BBS7: variants seen among roughly 807,000 people sequenced by gnomAD.
BBS7 encodes BBSome complex member BBS7.
BBS7 carries 50 observed loss-of-function variants against 90.3 expected under a neutral mutation model. The observed-to-expected ratio is 0.55, with a 90% CI of 0.44 to 0.70. The LOEUF (loss-of-function observed/expected upper bound fraction) is 0.70. BBS7 is among the 30% of genes least tolerant of loss of function. The pLI is 0.00. For synonymous variants in BBS7, 235 were observed against 287.4 expected (o/e 0.82, Z 1.85); for missense variants, 729 against 838.9 (o/e 0.87, Z 1.62).
chr4:121,859,120 C>A lies in BBS7; in HGVS notation c.400G>T (p.Asp134Tyr). 6.2e-7 allele frequency: 1 copy of A among 1,613,700 alleles called. No homozygotes were observed. The highest frequency in any genetic ancestry group is 1.3e-5 in the African/African-American group (1 of 74,964). The change falls in exon 5 of 19, where the codon GAC (aspartate) becomes TAC (tyrosine). Residue 134 changes from aspartate (D) to tyrosine (Y), a missense_variant. Physicochemically the swap from Asp to Tyr is radical, Grantham distance 160. Transcript: ENST00000264499. Reference protein sequence around the residue: ...SASYIYNHYCDCKDQHYYLSG... With the variant: ...SASYIYNHYCYCKDQHYYLSG... ...AGGTAATAATGTTGGTCTTTGCAGT[C>A]ACAATAATGGTTATAGATGTAACTT...
At chr4:121,857,909 T>C (rs1394278910) in intron 5 of BBS7, among the ~76,000 whole-genome samples, 2 of 149,014 alleles carry the variant, frequency 1.3e-5, no homozygotes, top group Admixed American at 6.9e-5. Flanking sequence ...TGGGTTCGAG[T>C]GATTCTTGTG....
rs1295122035 is a variant in BBS7 at position 121,828,470 on chromosome 4, G to A, written c.1822C>T (p.Leu608=). 1.2e-6 allele frequency: 2 copies of A among 1,613,900 alleles called. No individual in the cohort carries two copies. Among genetic ancestry groups the A allele is most frequent in the Non-Finnish European group, 8.5e-7 (1 of 1,179,884 alleles). ...NEVSVKHTLK[L]IHPKLEYQLL... is the part of the protein sequence containing the mutation. ...TGGTACTCCAGCTTTGGGTGGATTA[G>A]CTTTAAAGTGTGTTTGACTGATACT... Residue 608 remains leucine (L), a synonymous_variant, in exon 17 of 19, where the codon CTA becomes TTA. Coordinates refer to ENST00000264499, the MANE Select transcript of BBS7 (RefSeq NM_176824.3).
Position 121,832,009 on chromosome 4 carries a change from A to AAAACAC in BBS7, c.1676+1221_1676+1222insGTGTTT, listed in dbSNP as rs1553930919. ...AATAACACAAAGCAAAAAAAACAAAAACACACACACACACACACACACACA... is the reference window on the plus strand; with the variant it reads ...AATAACACAAAGCAAAAAAAACAAAAAAACACACACACACACACACACACACACACA... On this transcript the variant is annotated intron_variant, in intron 15 of 18. Transcript: ENST00000264499. Among the ~76,000 whole-genome samples, 6 of 142,872 alleles carry AAAACAC rather than the reference A, an allele frequency of 4.2e-5. No individual in the cohort carries two copies. In the South Asian group the frequency reaches 6.7e-4, roughly 16 times the overall value. The allele number at this position is 142,872 out of a possible 152,430, so 93.7% of individuals were successfully genotyped here. A position where few individuals can be genotyped will look rare whatever the true frequency, so the allele number is the denominator to read the frequency against.
At chr4:121,827,898 C>T (rs1203811805) in intron 18 of BBS7, 2 of 1,220,894 alleles carry the variant, frequency 1.6e-6, no homozygotes, top group Non-Finnish European at 2.1e-6. Context: ...TAGATTAATT[C>T]ATCACAGTAT....
intron 4 of BBS7, among the ~76,000 whole-genome samples, chr4:121,860,108 A>C (rs6838198): frequency 0.78 from 119,202 of 151,940 alleles, 47,094 homozygotes; most frequent in African/African-American, 0.88. Context: ...CTGATTTTCT[A>C]TTCTTCAGTT....
At position 121,861,621 on chromosome 4, in the gene BBS7, A is replaced by G; in HGVS notation, c.224T>C (p.Ile75Thr). The change falls in exon 4 of 19, where the codon ATC (isoleucine) becomes ACC (threonine). Residue 75 changes from isoleucine (I) to threonine (T), a missense_variant. By Grantham distance (89) the Ile-to-Thr change is moderately conservative (BLOSUM62 -1). Transcript: ENST00000264499. ...KIARLELGGV[I>T]NTPQEKIFIA... ...AAAAATTTTCTCCTGAGGTGTGTTG[A>G]TAACCCCTCCCAGTTCCAGCCTTGC... 3.1e-6 allele frequency: 5 copies of G among 1,613,892 alleles called. No homozygotes were observed. Among genetic ancestry groups the G allele is most frequent in the Non-Finnish European group, 4.2e-6 (5 of 1,179,860 alleles).
At chr4:121,845,446 T>C (rs1725957779) in intron 11 of BBS7, 58 bp downstream of exon 11, 2 of 1,234,426 alleles carry the variant, frequency 1.6e-6, no homozygotes, top group Non-Finnish European at 1.2e-6. Context: ...TTAGTACATA[T>C]GACTGGTTTG....
intron 3 of BBS7, 43 bp downstream of exon 3, chr4:121,863,174 T>G (rs769013722): frequency 3.2e-6 from 5 of 1,579,608 alleles, no homozygotes; most frequent in Non-Finnish European, 4.4e-6. Context: ...TAGTGCATTC[T>G]CTTTTAGAAA....
intron 15 of BBS7, among the ~76,000 whole-genome samples, chr4:121,830,164 G>A (rs564733557): frequency 6.6e-5 from 10 of 152,350 alleles, no homozygotes; most frequent in Admixed American, 2.0e-4. Context: ...CACTTTGGGA[G>A]GCCAAGGCGG....
In BBS7 at chr4:121,845,557, T is replaced by G; in HGVS notation, c.1177A>C (p.Ser393Arg). 1 of 1,613,016 alleles carries G rather than the reference T, an allele frequency of 6.2e-7. No individual in the cohort carries two copies. The highest frequency in any genetic ancestry group is 8.5e-7 in the Non-Finnish European group (1 of 1,179,414). The change falls in exon 11 of 19, where the codon AGT becomes CGT. Residue 393 changes from serine (S) to arginine (R), a missense_variant. By Grantham distance (110) the Ser-to-Arg change is moderately radical. Transcript: ENST00000264499. ...TGTACCTCTAAGATAAGGCTGTAAC[T>G]GGCATCATCTTTATTTAGTGTAAAT... ...DKFTLNKDDA[S>R]YSLILEVQTA...
In BBS7 at chr4:121,855,469, A is replaced by G. The variant is rs564517024; in HGVS notation, c.601+20T>C. The G allele has an allele frequency of 6.2e-7, 1 of 1,607,610 alleles. No individual in the cohort carries two copies. Among genetic ancestry groups the G allele is most frequent in the East Asian group, 2.2e-5 (1 of 44,770 alleles). On this transcript the variant is annotated intron_variant, in intron 6 of 18. Coordinates refer to ENST00000264499, the MANE Select transcript of BBS7 (RefSeq NM_176824.3). ...TATTAAAACACATAGTTGATTTGTG[A>G]AAAATAAAATCCTGATTACCGCCAT...
chr4:121,858,976 T>C lies in BBS7; in HGVS notation c.528+16A>G, dbSNP rs1726831647. Reference sequence around the variant, plus strand: ...CACATAATATAAAAAATTAGAAAAATACAAATAACAGCAACCTGTAAAACT... The same window carrying C: ...CACATAATATAAAAAATTAGAAAAACACAAATAACAGCAACCTGTAAAACT... On this transcript the variant is annotated intron_variant, in intron 5 of 18. Transcript: ENST00000264499. The C allele has an allele frequency of 6.2e-7, 1 of 1,608,902 alleles. No individual in the cohort carries two copies.
chr4:121,840,323 G>C (rs1274111666), intron 12 of BBS7, among the ~76,000 whole-genome samples: 1 of 152,216 alleles, frequency 6.6e-6, no homozygotes, highest in East Asian at 1.9e-4. Context: ...GGAACTGTGA[G>C]TCCAATAAAC....
intron 7 of BBS7, 75 bp from the exon 8 acceptor site, chr4:121,853,161 A>G: frequency 6.6e-7 from 1 of 1,506,274 alleles, no homozygotes; most frequent in East Asian, 2.3e-5. Flanking sequence ...GTAAGAATGA[A>G]AAAAACACAC....
At position 121,853,049 on chromosome 4, in the gene BBS7, A is replaced by G. The variant is rs771279953; in HGVS notation, c.756T>C (p.Asp252=). Residue 252 remains aspartate, a synonymous_variant, in exon 8 of 19, where the codon GAT becomes GAC. Transcript: ENST00000264499. ...TCCCAACAAGTAAATCTTTAACCCC[A>G]TCACCCACAATGTCAAAGCTGTCAA... ...LCIDSFDIVG[D]GVKDLLVGRD... is the part of the protein sequence containing the mutation. The G allele has an allele frequency of 1.2e-6, 2 of 1,613,790 alleles. No homozygotes were observed. Among genetic ancestry groups the G allele is most frequent in the Admixed American group, 1.7e-5 (1 of 60,018 alleles).
At chr4:121,845,002 A>T (rs1725928463) in intron 11 of BBS7, among the ~76,000 whole-genome samples, 1 of 152,220 alleles carries the variant, frequency 6.6e-6, no homozygotes, top group African/African-American at 2.4e-5. Flanking sequence ...AATAAAAAGT[A>T]AAAATATAAT....
Position 121,859,189 on chromosome 4 carries a change from T to C in BBS7, c.342-11A>G. On this transcript the variant is annotated splice_polypyrimidine_tract_variant and intron_variant, in intron 4 of 18. Coordinates refer to ENST00000264499, the MANE Select transcript of BBS7 (RefSeq NM_176824.3). ...GAGCCAGATATGTGCCTGAGAACATTAAAATAGTAATTTTTAAAAATAAGC... is the reference window on the plus strand; with the variant it reads ...GAGCCAGATATGTGCCTGAGAACATCAAAATAGTAATTTTTAAAAATAAGC... The C allele has an allele frequency of 1.2e-6, 2 of 1,611,638 alleles. No homozygotes were observed. The highest frequency in any genetic ancestry group is 8.5e-7 in the Non-Finnish European group (1 of 1,177,852).
rs753936177 is a variant in BBS7 at position 121,870,274 on chromosome 4, T to C, written c.36+4A>G. The stretch of plus-strand genomic sequence containing the variant: ...GCGGCGCCCGCCCTATCCCTTGGGT[T>C]TACCTGCAGATAATCCATTCGGTTT... On this transcript the variant is annotated splice_donor_region_variant and intron_variant, in intron 1 of 18. Transcript: ENST00000264499. 3 of 1,614,146 alleles carry C rather than the reference T, an allele frequency of 1.9e-6. No individual in the cohort carries two copies. The Admixed American group carries it at 5.0e-5, about 27-fold the overall frequency.
At chr4:121,852,171 A>C (rs1375859358) in intron 8 of BBS7, among the ~76,000 whole-genome samples, 2 of 152,224 alleles carry the variant, frequency 1.3e-5, no homozygotes, top group Admixed American at 1.3e-4. Context: ...TAAATGATAT[A>C]CTTTACCTGT....
Sources: gnomAD v4.1 joint callset for allele counts (sites outside exome capture counted in the v4.1 genomes callset) on GRCh38, gnomAD v4.1.1 for gene constraint, MANE v1.5 for transcripts, NCBI Gene and HGNC (gene_info 2026-07-23, HGNC 2026-07-21) for gene names.